MAEL: variants seen among roughly 807,000 people sequenced by gnomAD.
MAEL encodes the protein protein maelstrom homolog.
Under a neutral mutation model 62.0 loss-of-function variants are expected in MAEL, and 46 were observed. The observed-to-expected ratio is 0.74, with a 90% confidence interval of 0.59 to 0.95. MAEL has a LOEUF of 0.95. Among genes scored for constraint, MAEL ranks in the 40% least tolerant of loss-of-function variants. MAEL has a pLI of 0.00. For missense variants in MAEL, 497 were observed against 526.8 expected (o/e 0.94, Z 0.55); for synonymous variants, 172 against 175.5 (o/e 0.98, Z 0.16).
At chr1:166,995,789 A>T (rs1664402312) in intron 5 of MAEL, among the ~76,000 whole-genome samples, 1 of 152,288 alleles carries the variant, frequency 6.6e-6, no homozygotes, top group Middle Eastern at 3.4e-3. Context: ...AATCCCTACT[A>T]TGTGCCAGAC....
chr1:167,021,080 T>G lies in MAEL; in HGVS notation c.1042-5T>G. On this transcript the variant is annotated splice_polypyrimidine_tract_variant and splice_region_variant and intron_variant, in intron 10 of 11. Coordinates refer to ENST00000367872, the MANE Select transcript of MAEL (RefSeq NM_032858.3). ...TTCCCCCTGGTATTTTCCTGTTACTTACAGAAGCTAAGGGTTGGGAGTTCA... is the reference window on the plus strand; with the variant it reads ...TTCCCCCTGGTATTTTCCTGTTACTGACAGAAGCTAAGGGTTGGGAGTTCA... 6.2e-7 allele frequency: 1 copy of G among 1,606,232 alleles called. No individual in the cohort carries two copies. Among genetic ancestry groups the G allele is most frequent in the Non-Finnish European group, 8.5e-7 (1 of 1,173,486 alleles).
Position 167,005,337 on chromosome 1 carries a change from C to T in MAEL, c.785C>T (p.Ser262Phe). The change falls in exon 8 of 12, where the codon TCT becomes TTT. Residue 262 changes from serine (S) to phenylalanine (F), a missense_variant. Coordinates refer to ENST00000367872, the MANE Select transcript of MAEL (RefSeq NM_032858.3). ...CAACAAAAATTTCTCAAGGAGCCCT[C>T]TAAGACTTGGATTCGAAGCCTCCTA... is the stretch of plus-strand genomic sequence containing the variant. ...IYQQKFLKEPSKTWIRSLLDV... is the reference protein window; with the variant it reads ...IYQQKFLKEPFKTWIRSLLDV... The T allele has an allele frequency of 1.2e-6, 2 of 1,613,670 alleles. No homozygotes were observed. The highest frequency in any genetic ancestry group is 1.7e-6 in the Non-Finnish European group (2 of 1,179,774).
At chr1:166,996,961 G>A (rs1664452252) in intron 5 of MAEL, among the ~76,000 whole-genome samples, 1 of 152,158 alleles carries the variant, frequency 6.6e-6, no homozygotes, top group African/African-American at 2.4e-5. Flanking sequence ...TGAGTAGCTG[G>A]GATTACAGGT....
At chr1:167,003,360 A>T (rs183899666) in intron 5 of MAEL, among the ~76,000 whole-genome samples, 1 of 152,198 alleles carries the variant, frequency 6.6e-6, no homozygotes, top group Non-Finnish European at 1.5e-5. Flanking sequence ...ACCTGTGGGT[A>T]TCTTTCTGTC....
At position 166,989,702 on chromosome 1, in the gene MAEL, C is replaced by T. The variant is rs573752766; in HGVS notation, c.133-35C>T. 2.3e-5 allele frequency: 36 copies of T among 1,597,916 alleles called. No individual in the cohort carries two copies. The East Asian group carries it at 7.2e-4, about 32-fold the overall frequency. On this transcript the variant is annotated intron_variant, in intron 1 of 11. Transcript: ENST00000367872. ...GCCCTAGAGCACGGGATCCTCACGGCTGTTTCTCTTCTTTGCTCCTTCAAT... is the reference window on the plus strand; with the variant it reads ...GCCCTAGAGCACGGGATCCTCACGGTTGTTTCTCTTCTTTGCTCCTTCAAT...
At chr1:166,979,913 C>T (rs1663707407) in intron 1 of MAEL, among the ~76,000 whole-genome samples, 1 of 152,108 alleles carries the variant, frequency 6.6e-6, no homozygotes, top group African/African-American at 2.4e-5. Flanking sequence ...AGCTTGGTAT[C>T]AAATATGAAA....
chr1:167,019,477 C>A (rs1370589944), intron 10 of MAEL, among the ~76,000 whole-genome samples: 1 of 152,080 alleles, frequency 6.6e-6, no homozygotes, highest in Non-Finnish European at 1.5e-5. Context: ...TCCTGAGAAA[C>A]CTTCCTGTGG....
chr1:167,021,282 A>C, intron 11 of MAEL, 122 bp downstream of exon 11: 1 of 723,326 alleles, frequency 1.4e-6, no homozygotes, highest in Non-Finnish European at 2.3e-6. Flanking sequence ...AAGCTTGTTG[A>C]ATTGAGGGTT....
At chr1:167,008,996 G>A (rs1187731575) in intron 8 of MAEL, among the ~76,000 whole-genome samples, 1 of 151,726 alleles carries the variant, frequency 6.6e-6, no homozygotes, top group Non-Finnish European at 1.5e-5. Context: ...TGTTCTCTTG[G>A]CATATGAGAA....
rs965058460 is a variant in MAEL at position 167,022,003 on chromosome 1, A to C, written c.*148A>C. 6.7e-6 allele frequency: 4 copies of C among 598,264 alleles called. No homozygotes were observed. Among genetic ancestry groups the C allele is most frequent in the Non-Finnish European group, 1.1e-5 (4 of 366,528 alleles). The allele number at this position is 598,264 out of a possible 1,614,324, so 37.1% of individuals were successfully genotyped here. A position where few individuals can be genotyped will look rare whatever the true frequency, so the allele number is the denominator to read the frequency against. ...GGAAATTGTTTCATAGATTTAAAAAAATTGTGGTTGGAGAGCATCTTGGCA... is the reference window on the plus strand; with the variant it reads ...GGAAATTGTTTCATAGATTTAAAAACATTGTGGTTGGAGAGCATCTTGGCA... On this transcript the variant is annotated 3_prime_UTR_variant, in exon 12 of 12. Transcript: ENST00000367872.
At position 167,022,152 on chromosome 1, in the gene MAEL, AGATT is replaced by A. The variant is rs1188098592; in HGVS notation, c.*301_*304del. On this transcript the variant is annotated 3_prime_UTR_variant, in exon 12 of 12. Coordinates refer to ENST00000367872, the MANE Select transcript of MAEL (RefSeq NM_032858.3). ...AGAGTTGTACTTTTGGGAATGTTAT[AGATT>A]GATCATTCTTTCTCCTGATAATAAA... 8.1e-6 allele frequency: 2 copies of A among 247,996 alleles called. No individual in the cohort carries two copies. The highest frequency in any genetic ancestry group is 1.7e-4 in the East Asian group (2 of 11,954). 15.4% of individuals were successfully genotyped at this position (247,996 alleles called of 1,614,324 possible).
intron 1 of MAEL, 110 bp from the exon 2 acceptor site, chr1:166,989,627 A>C: frequency 6.8e-7 from 1 of 1,466,236 alleles, no homozygotes; most frequent in East Asian, 2.4e-5. Flanking sequence ...GGCCCTGGGC[A>C]AACCGACACC....
At chr1:167,006,252 A>G (rs1220453750) in intron 8 of MAEL, among the ~76,000 whole-genome samples, 2 of 152,184 alleles carry the variant, frequency 1.3e-5, no homozygotes, top group Admixed American at 1.3e-4. Context: ...AAAAAATTCT[A>G]GAGTCCAGTC....
intron 5 of MAEL, among the ~76,000 whole-genome samples, chr1:167,003,885 T>A (rs989336705): frequency 6.6e-6 from 1 of 152,244 alleles, no homozygotes; most frequent in African/African-American, 2.4e-5. Flanking sequence ...GCCTGGTTAC[T>A]GAACAAACCT....
intron 5 of MAEL, among the ~76,000 whole-genome samples, 160 bp from the exon 6 acceptor site, chr1:167,004,020 T>C (rs1437874003): frequency 6.6e-6 from 1 of 152,182 alleles, no homozygotes; most frequent in Non-Finnish European, 1.5e-5. Flanking sequence ...GCTGTAAGAC[T>C]GTGGGTTAAA....
Position 166,989,396 on chromosome 1 carries a change from T to C in MAEL, c.44T>C (p.Val15Ala). ...AGCCGGAATGCTTACTATTTCTTCG[T>C]GCAGGAGAAGATCCCCGAACTACGG... ...KASRNAYYFFVQEKIPELRRR... is the reference protein window; with the variant it reads ...KASRNAYYFFAQEKIPELRRR... Residue 15 changes from valine to alanine, a missense_variant, in exon 1 of 12, where the codon GTG becomes GCG. Physicochemically the swap from Val to Ala is moderately conservative, Grantham distance 64. Coordinates refer to ENST00000367872, the MANE Select transcript of MAEL (RefSeq NM_032858.3). 6.2e-7 allele frequency: 1 copy of C among 1,607,710 alleles called. No individual in the cohort carries two copies. Among genetic ancestry groups the C allele is most frequent in the Non-Finnish European group, 8.5e-7 (1 of 1,177,318 alleles).
At chr1:166,989,607 C>T in intron 1 of MAEL, 123 bp downstream of exon 1, 1 of 1,476,616 alleles carries the variant, frequency 6.8e-7, no homozygotes, top group Non-Finnish European at 9.2e-7. Context: ...AGAGGAAGGC[C>T]CCCGTTTGTG....
upstream of MAEL, chr1:166,989,140 C>G: frequency 1.5e-6 from 1 of 658,178 alleles, no homozygotes; most frequent in African/African-American, 1.8e-5. Flanking sequence ...GGCGCTCTCC[C>G]CCCACCTCAC....
chr1:167,010,681 C>T lies in MAEL; in HGVS notation c.845+5284C>T, dbSNP rs1665133182. On this transcript the variant is annotated intron_variant, in intron 8 of 11. Coordinates refer to ENST00000367872, the MANE Select transcript of MAEL (RefSeq NM_032858.3). The stretch of plus-strand genomic sequence containing the variant: ...CAGGCTGGTGTCGAACTTCTGGCCT[C>T]AAGTGATCTTCCTGCCTCAGCCTTC... 2.0e-5 allele frequency among the ~76,000 whole-genome samples: 3 copies of T among 152,166 alleles called. No individual in the cohort carries two copies. In the South Asian group the frequency reaches 6.2e-4, roughly 31 times the overall value.
Sources: allele counts gnomAD v4.1 joint callset (sites outside exome capture counted in the v4.1 genomes callset), GRCh38; gene constraint gnomAD v4.1.1; transcripts MANE v1.5; gene names NCBI Gene and HGNC (gene_info 2026-07-23, HGNC 2026-07-21).